The following MIS18A variants were observed in gnomAD, a reference collection of about 807,000 sequenced individuals.
The protein encoded by MIS18A is protein Mis18-alpha.
MIS18A carries 14 observed loss-of-function variants against 25.0 expected under a neutral mutation model. The observed-to-expected ratio is 0.56, with a 90% CI of 0.37 to 0.88. The LOEUF is 0.88. Ranked by LOEUF, MIS18A falls within the 40% of genes least tolerant of loss-of-function variation. The probability of loss-of-function intolerance (pLI) is 0.00; values close to 1 mark genes in which losing one functional copy is unlikely to be tolerated. For missense variants in MIS18A, 292 were observed against 290.8 expected (o/e 1.00, Z -0.03); for synonymous variants, 134 against 118.6 (o/e 1.13, Z -0.84).
the MIS18A span, among the ~76,000 whole-genome samples, chr21:32,237,745 G>C: frequency 6.6e-6 from 1 of 152,094 alleles, no homozygotes; most frequent in Non-Finnish European, 1.5e-5. Context: ...TTATATTCCT[G>C]ATGATTAGGA....
At chr21:32,202,132 T>C in the MIS18A span, among the ~76,000 whole-genome samples, 1 of 151,470 alleles carries the variant, frequency 6.6e-6, no homozygotes, top group Non-Finnish European at 1.5e-5. Flanking sequence ...CTACAAACAA[T>C]TAAAAAATTA....
At chr21:32,168,184 G>C in the MIS18A span, among the ~76,000 whole-genome samples, 1 of 152,204 alleles carries the variant, frequency 6.6e-6, no homozygotes, top group Admixed American at 6.5e-5. Context: ...GCTCCAACCA[G>C]GAACCACATT....
downstream of MIS18A, among the ~76,000 whole-genome samples, chr21:32,266,880 C>T (rs930176435): frequency 1.3e-5 from 2 of 152,106 alleles, no homozygotes; most frequent in African/African-American, 2.4e-5. Flanking sequence ...CCAGAAACGA[C>T]CACACACTGG....
the MIS18A span, among the ~76,000 whole-genome samples, chr21:32,190,591 T>C: frequency 6.6e-6 from 1 of 152,100 alleles, no homozygotes; most frequent in African/African-American, 2.4e-5. Flanking sequence ...TAAACCCACA[T>C]ATGTTTAATT....
chr21:32,161,557 T>C, the MIS18A span, among the ~76,000 whole-genome samples: 1 of 151,816 alleles, frequency 6.6e-6, no homozygotes, highest in African/African-American at 2.4e-5. Flanking sequence ...AGTGGCGTGA[T>C]CTCAGCTCAC....
chr21:32,155,468 T>C, the MIS18A span, among the ~76,000 whole-genome samples: 1 of 152,200 alleles, frequency 6.6e-6, no homozygotes, highest in Non-Finnish European at 1.5e-5. Context: ...GTCTTCAGAA[T>C]ACCATGATTT....
At chr21:32,226,567 C>G in the MIS18A span, among the ~76,000 whole-genome samples, 1 of 151,966 alleles carries the variant, frequency 6.6e-6, no homozygotes, top group African/African-American at 2.4e-5. Flanking sequence ...CATAGAAGGA[C>G]CTAAAAACAG....
At chr21:32,208,414 C>T in the MIS18A span, among the ~76,000 whole-genome samples, 5 of 152,078 alleles carry the variant, frequency 3.3e-5, no homozygotes, top group Non-Finnish European at 7.4e-5. Context: ...AGACCTCCCC[C>T]CTCTCTTGCC....
the MIS18A span, among the ~76,000 whole-genome samples, chr21:32,257,883 T>C: frequency 6.6e-6 from 1 of 152,208 alleles, no homozygotes; most frequent in African/African-American, 2.4e-5. Flanking sequence ...AAGTCTGGCA[T>C]AAAATGTAGT....
the MIS18A span, among the ~76,000 whole-genome samples, chr21:32,237,932 A>G: frequency 2.0e-5 from 3 of 152,140 alleles, no homozygotes; most frequent in Non-Finnish European, 2.9e-5. Flanking sequence ...CAGTGGCTCT[A>G]TGGTGTCATT....
At chr21:32,215,402 T>C in the MIS18A span, among the ~76,000 whole-genome samples, 7 of 152,170 alleles carry the variant, frequency 4.6e-5, no homozygotes, top group Non-Finnish European at 8.8e-5. Context: ...CCACTGGCTA[T>C]TGCTAAACAG....
the MIS18A span, among the ~76,000 whole-genome samples, chr21:32,157,223 A>ATTTTTTTTTTTTTTTTTTTTTTT: frequency 1.5e-4 from 11 of 72,320 alleles, no homozygotes; most frequent in South Asian, 5.0e-4. Context: ...TACCCGGCTA[A>ATTTTTTTTTTTTTTTTTTTTTTT]TTTTTTTTTT....
At chr21:32,203,146 A>G in the MIS18A span, among the ~76,000 whole-genome samples, 2 of 152,146 alleles carry the variant, frequency 1.3e-5, no homozygotes, top group African/African-American at 4.8e-5. Context: ...TCTTCCAGAA[A>G]GTAGAACAGA....
chr21:32,169,969 A>T, the MIS18A span, among the ~76,000 whole-genome samples: 1 of 152,162 alleles, frequency 6.6e-6, no homozygotes, highest in Non-Finnish European at 1.5e-5. Context: ...AAAGTATAAG[A>T]TATGAAAATA....
At chr21:32,214,369 A>C in the MIS18A span, among the ~76,000 whole-genome samples, 78 of 152,304 alleles carry the variant, frequency 5.1e-4, 2 homozygotes, top group African/African-American at 1.8e-3. Flanking sequence ...TTCCTTTGGC[A>C]AGAACCTTGG....
the MIS18A span, among the ~76,000 whole-genome samples, chr21:32,187,825 C>T: frequency 6.6e-6 from 1 of 152,166 alleles, no homozygotes; most frequent in Non-Finnish European, 1.5e-5. Context: ...AACAGGTTAG[C>T]TGGCATTATG....
At chr21:32,270,371 C>T in intron 3 of MIS18A, 36 bp downstream of exon 3, 1 of 1,610,554 alleles carries the variant, frequency 6.2e-7, no homozygotes, top group Non-Finnish European at 8.5e-7. Context: ...TTCTGAAACA[C>T]CAGTTGTGAG....
the MIS18A span, among the ~76,000 whole-genome samples, chr21:32,262,666 T>C: frequency 6.6e-6 from 1 of 152,240 alleles, no homozygotes; most frequent in South Asian, 2.1e-4. Flanking sequence ...AGGGTCACCT[T>C]GTCCATCTCT....
At chr21:32,255,672 G>A in the MIS18A span, among the ~76,000 whole-genome samples, 2 of 151,680 alleles carry the variant, frequency 1.3e-5, no homozygotes, top group South Asian at 2.1e-4. Flanking sequence ...GGTGGATCAC[G>A]AGGTCAGTAG....
Sources: gnomAD v4.1 joint callset for allele counts (sites outside exome capture counted in the v4.1 genomes callset) on GRCh38, gnomAD v4.1.1 for gene constraint, MANE v1.5 for transcripts, NCBI Gene and HGNC (gene_info 2026-07-23, HGNC 2026-07-21) for gene names.